Variants in SNX4 observed in about 807,000 individuals in gnomAD.
SNX4 encodes the protein sorting nexin 4, also known as sorting nexin-4.
Under a neutral mutation model 70.8 loss-of-function variants are expected in SNX4, and 49 were observed. The observed-to-expected ratio is 0.69, with a 90% confidence interval of 0.55 to 0.88. SNX4 has a LOEUF of 0.88. Ranked by LOEUF, SNX4 falls within the 40% of genes least tolerant of loss-of-function variation. The pLI is 0.00. For synonymous variants in SNX4, 206 were observed against 183.8 expected, an observed-to-expected ratio of 1.12 and a Z score of -0.98; for missense variants, 528 against 544.8, an observed-to-expected ratio of 0.97 and a Z score of 0.31.
Position 125,497,918 on chromosome 3 carries a change from C to G in SNX4, c.465G>C (p.Arg155=), listed in dbSNP as rs1167306780. 1.9e-6 allele frequency: 3 copies of G among 1,614,032 alleles called. No individual in the cohort carries two copies. Among genetic ancestry groups the G allele is most frequent in the Non-Finnish European group, 1.7e-6 (2 of 1,180,022 alleles). The change falls in exon 4 of 14, where the codon CGG becomes CGC. Residue 155 remains arginine, a synonymous_variant. Coordinates refer to ENST00000251775, the MANE Select transcript of SNX4 (RefSeq NM_003794.4). The stretch of plus-strand genomic sequence containing the variant: ...TCAAGAGAAAGTTTTCTAAACCAAT[C>G]CGTCGCCTCTCCACAAAATCTGGAT... The part of the protein sequence containing the change: ...NMDPDFVERR[R]IGLENFLLRI...
chr3:125,518,917 G>C (rs558441367), intron 1 of SNX4, among the ~76,000 whole-genome samples: 2 of 152,036 alleles, frequency 1.3e-5, no homozygotes, highest in Admixed American at 1.3e-4. Flanking sequence ...GGTAGCTGAG[G>C]GATGAGAATC....
intron 6 of SNX4, among the ~76,000 whole-genome samples, chr3:125,481,346 C>CCTTTT (rs138052174): frequency 0.048 from 7,315 of 152,152 alleles, 410 homozygotes; most frequent in African/African-American, 0.13. Context: ...TCATGGCTTT[C>CCTTTT]ATTTCACTCT....
intron 8 of SNX4, among the ~76,000 whole-genome samples, chr3:125,473,040 T>G (rs1232856381): frequency 6.6e-6 from 1 of 152,204 alleles, no homozygotes; most frequent in Non-Finnish European, 1.5e-5. Context: ...CAACTTTTAT[T>G]TTGGACTCAG....
At chr3:125,464,572 T>C (rs907094540) in intron 9 of SNX4, among the ~76,000 whole-genome samples, 13 of 136,950 alleles carry the variant, frequency 9.5e-5, no homozygotes, top group Middle Eastern at 3.6e-3. Flanking sequence ...TTCTTTTTTT[T>C]TTTTTTTTTT....
At chr3:125,466,314 G>A (rs559611021) in intron 9 of SNX4, among the ~76,000 whole-genome samples, 3 of 150,186 alleles carry the variant, frequency 2.0e-5, no homozygotes, top group Admixed American at 2.0e-4. Flanking sequence ...GATAGACTAA[G>A]GACTTAAATG....
intron 1 of SNX4, chr3:125,517,142 A>T (rs1935300491): frequency 6.6e-6 from 1 of 152,030 alleles, no homozygotes; most frequent in Admixed American, 6.5e-5. Flanking sequence ...GTATTGAAAC[A>T]ATGTACAAGA....
chr3:125,490,758 T>C (rs1158139962), intron 5 of SNX4, among the ~76,000 whole-genome samples: 1 of 151,410 alleles, frequency 6.6e-6, no homozygotes, highest in African/African-American at 2.4e-5. Flanking sequence ...ATCCAAATCC[T>C]GTCCTGTCCT....
chr3:125,509,018 A>T (rs935092574), intron 1 of SNX4, among the ~76,000 whole-genome samples: 1 of 152,168 alleles, frequency 6.6e-6, no homozygotes, highest in Admixed American at 6.5e-5. Flanking sequence ...CATGAAAATT[A>T]AAAATGTCGT....
intron 6 of SNX4, among the ~76,000 whole-genome samples, chr3:125,485,649 T>G (rs1934507306): frequency 6.6e-6 from 1 of 152,142 alleles, no homozygotes; most frequent in African/African-American, 2.4e-5. Flanking sequence ...ACCTAGCTAT[T>G]ATACTGAAAA....
intron 9 of SNX4, among the ~76,000 whole-genome samples, chr3:125,462,561 A>C (rs1043208166): frequency 2.1e-5 from 3 of 143,396 alleles, no homozygotes; most frequent in African/African-American, 7.8e-5. Flanking sequence ...ATTGTATTCA[A>C]GCTGGGGTGA....
At chr3:125,458,083 C>G (rs1933769021) in intron 10 of SNX4, among the ~76,000 whole-genome samples, 1 of 151,582 alleles carries the variant, frequency 6.6e-6, no homozygotes, top group Non-Finnish European at 1.5e-5. Context: ...AGAACTAATG[C>G]TGTAATCTCA....
chr3:125,479,830 G>A (rs1016497373), intron 7 of SNX4, among the ~76,000 whole-genome samples: 4 of 152,170 alleles, frequency 2.6e-5, no homozygotes, highest in Admixed American at 2.6e-4. Context: ...CTTTTGTCAT[G>A]GCAGACTATT....
intron 7 of SNX4, 66 bp from the exon 8 acceptor site, chr3:125,476,822 C>A: frequency 1.2e-5 from 11 of 909,024 alleles, no homozygotes; most frequent in East Asian, 5.2e-5. Context: ...AAAAATAGAC[C>A]CAAAAAACAA....
intron 2 of SNX4, among the ~76,000 whole-genome samples, chr3:125,504,332 CAAAAA>C (rs759738129): frequency 5.0e-5 from 3 of 60,172 alleles, no homozygotes; most frequent in African/African-American, 2.0e-4. Flanking sequence ...GACTCCATCT[CAAAAA>C]AAAAAAAAAA....
chr3:125,509,153 T>A (rs1373632987), intron 1 of SNX4, among the ~76,000 whole-genome samples: 1 of 150,848 alleles, frequency 6.6e-6, no homozygotes, highest in Non-Finnish European at 1.5e-5. Flanking sequence ...GCCCACATGG[T>A]GAAACCGCAT....
intron 8 of SNX4, among the ~76,000 whole-genome samples, chr3:125,473,314 C>A (rs546938353): frequency 2.0e-5 from 3 of 152,122 alleles, no homozygotes; most frequent in Non-Finnish European, 4.4e-5. Context: ...CCTCTTATTC[C>A]TAGATCACTA....
chr3:125,462,672 A>G (rs1933914733), intron 9 of SNX4, among the ~76,000 whole-genome samples: 1 of 152,048 alleles, frequency 6.6e-6, no homozygotes, highest in Admixed American at 6.6e-5. Flanking sequence ...AAATTGTATG[A>G]AATACATGGC....
intron 9 of SNX4, among the ~76,000 whole-genome samples, chr3:125,466,691 T>C (rs945805746): frequency 6.6e-6 from 1 of 151,740 alleles, no homozygotes; most frequent in Non-Finnish European, 1.5e-5. Context: ...TTTTGGGAGG[T>C]TGAGGCAGGA....
In SNX4 at chr3:125,447,614, AT is replaced by A. The variant is rs1363134647; in HGVS notation, c.*164del. Reference sequence around the variant, plus strand: ...TAATATTTAATCTTCATTAAAATATATTTTTTGTGCTACATTAACACGACCA... The same window carrying A: ...TAATATTTAATCTTCATTAAAATATATTTTTGTGCTACATTAACACGACCA... On this transcript the variant is annotated 3_prime_UTR_variant, in exon 14 of 14. Transcript: ENST00000251775. 1.4e-5 allele frequency: 7 copies of A among 488,358 alleles called. No individual in the cohort carries two copies. The highest frequency in any genetic ancestry group is 8.3e-5 in the Admixed American group (2 of 24,102). The allele number at this position is 488,358 out of a possible 1,614,324, so 30.3% of individuals were successfully genotyped here. A position where few individuals can be genotyped will look rare whatever the true frequency, so the allele number is the denominator to read the frequency against.
Sources: gnomAD v4.1 joint callset for allele counts (sites outside exome capture counted in the v4.1 genomes callset) on GRCh38, gnomAD v4.1.1 for gene constraint, MANE v1.5 for transcripts, NCBI Gene and HGNC (gene_info 2026-07-23, HGNC 2026-07-21) for gene names.